ABCB4: variants seen among roughly 807,000 people sequenced by gnomAD.
The protein encoded by ABCB4 is phosphatidylcholine translocator ABCB4.
ABCB4 carries 76 observed loss-of-function variants against 145.7 expected under a neutral mutation model. That is an observed-to-expected ratio of 0.52 (90% CI 0.43 to 0.63). The LOEUF (loss-of-function observed/expected upper bound fraction) is 0.63. ABCB4 is among the 30% of genes least tolerant of loss of function. The pLI is 0.00. For missense variants in ABCB4, 1,234 were observed against 1,553.1 expected (o/e 0.79, Z 3.45); for synonymous variants, 517 against 566.8 (o/e 0.91, Z 1.25).
At chr7:87,369,046 A>G in the ABCB4 span, among the ~76,000 whole-genome samples, 1 of 152,242 alleles carries the variant, frequency 6.6e-6, no homozygotes, top group African/African-American at 2.4e-5. Flanking sequence ...CTGTCCTCCA[A>G]GATTCCACTG....
chr7:87,398,030 G>A (rs1807598485), downstream of ABCB4, among the ~76,000 whole-genome samples: 1 of 151,214 alleles, frequency 6.6e-6, no homozygotes, highest in African/African-American at 2.4e-5. Flanking sequence ...ATGGTGGAAG[G>A]CATGACTTGA....
chr7:87,475,565 G>T, intron 1 of ABCB4, 69 bp downstream of exon 1: 1 of 1,220,586 alleles, frequency 8.2e-7, no homozygotes, highest in Non-Finnish European at 1.2e-6. Context: ...TGGAGGTCCG[G>T]CCACTCCCGC....
chr7:87,413,789 G>C, intron 21 of ABCB4, 72 bp from the exon 22 acceptor site: 2 of 1,072,050 alleles, frequency 1.9e-6, no homozygotes, highest in East Asian at 4.7e-5. Flanking sequence ...AAGCCCTAGG[G>C]CTCTGTCAAA....
chr7:87,443,247 T>C, intron 12 of ABCB4, 72 bp downstream of exon 12: 1 of 1,607,056 alleles, frequency 6.2e-7, no homozygotes, highest in Non-Finnish European at 8.5e-7. Flanking sequence ...AATTTGTTAC[T>C]GAAAAACCAA....
At position 87,475,295 on chromosome 7, in the gene ABCB4, A is replaced by T. The variant is rs375156842; in HGVS notation, c.80+91T>A. 1.1e-5 allele frequency: 17 copies of T among 1,509,716 alleles called. No homozygotes were observed. The South Asian group carries it at 1.8e-4, about 16-fold the overall frequency. 93.5% of individuals were successfully genotyped at this position (1,509,716 alleles called of 1,614,324 possible). On this transcript the variant is annotated intron_variant, in intron 2 of 27. Coordinates refer to ENST00000649586, the MANE Select transcript of ABCB4 (RefSeq NM_000443.4). ...CTCCAAAACAAAGGTCTTCAAAGGC[A>T]TCAACCGATTTTTACAACTTCTTTC...
rs753652201 is a variant in ABCB4 at position 87,440,278 on chromosome 7, C to A, written c.1481G>T (p.Arg494Leu). Reference sequence around the variant, plus strand: ...TATCTCATCCATGGTTACATTTCCACGGCCATAACAAATATTTTCAGCAAT... The same window carrying A: ...TATCTCATCCATGGTTACATTTCCAAGGCCATAACAAATATTTTCAGCAAT... ...TTIAENICYG[R>L]GNVTMDEIKK... Residue 494 changes from arginine (R) to leucine (L), a missense_variant, in exon 13 of 28, where the codon CGT (arginine) becomes CTT (leucine). By Grantham distance (102) the Arg-to-Leu change is moderately radical. This residue lies in a region of ABCB4 where 467 missense variants were observed against 632.8 expected (regional missense o/e 0.74). Coordinates refer to ENST00000649586, the MANE Select transcript of ABCB4 (RefSeq NM_000443.4). The A allele has an allele frequency of 6.2e-7, 1 of 1,614,122 alleles. No individual in the cohort carries two copies. Among genetic ancestry groups the A allele is most frequent in the Non-Finnish European group, 8.5e-7 (1 of 1,179,998 alleles).
At chr7:87,395,277 T>A in the ABCB4 span, among the ~76,000 whole-genome samples, 1 of 149,428 alleles carries the variant, frequency 6.7e-6, no homozygotes, top group Non-Finnish European at 1.5e-5. Flanking sequence ...CAGGTTTTTC[T>A]GCCTGCTTTA....
At chr7:87,433,680 T>TTTTG (rs1192236032) in intron 14 of ABCB4, among the ~76,000 whole-genome samples, 1 of 149,800 alleles carries the variant, frequency 6.7e-6, no homozygotes, top group Non-Finnish European at 1.5e-5. Context: ...TTGTTGTTTT[T>TTTTG]TTTTTTTTTT....
chr7:87,473,121 T>C (rs1294449394), intron 2 of ABCB4, among the ~76,000 whole-genome samples: 1 of 152,214 alleles, frequency 6.6e-6, no homozygotes, highest in Non-Finnish European at 1.5e-5. Flanking sequence ...CTGTCACCAG[T>C]AGGGCAGCCT....
chr7:87,465,790 G>C (rs917394885), intron 3 of ABCB4, among the ~76,000 whole-genome samples: 3 of 152,106 alleles, frequency 2.0e-5, no homozygotes, highest in Non-Finnish European at 4.4e-5. Flanking sequence ...AGGAAAACAG[G>C]GTCTGGAGTG....
the ABCB4 span, chr7:87,369,700 C>T: frequency 9.1e-6 from 2 of 219,476 alleles, no homozygotes; most frequent in East Asian, 1.9e-4. Flanking sequence ...AAAAGGAAAA[C>T]ATTACATATA....
At chr7:87,471,124 C>A (rs1270676488) in intron 3 of ABCB4, among the ~76,000 whole-genome samples, 1 of 151,548 alleles carries the variant, frequency 6.6e-6, no homozygotes, top group Non-Finnish European at 1.5e-5. Context: ...GACAAAAAAC[C>A]AAACACCTCA....
intron 3 of ABCB4, 118 bp from the exon 4 acceptor site, chr7:87,463,026 T>A: frequency 1.1e-6 from 1 of 903,642 alleles, no homozygotes; most frequent in Non-Finnish European, 1.7e-6. Context: ...TGTAAATGAA[T>A]GTCTTAGAAA....
chr7:87,413,351 A>T (rs1182481213), intron 22 of ABCB4, among the ~76,000 whole-genome samples: 1 of 152,226 alleles, frequency 6.6e-6, no homozygotes, highest in Admixed American at 6.5e-5. Context: ...TGTTGCCTGC[A>T]CTGATAACCA....
At chr7:87,454,973 G>GA (rs1440239660) in intron 4 of ABCB4, among the ~76,000 whole-genome samples, 2 of 150,860 alleles carry the variant, frequency 1.3e-5, no homozygotes, top group African/African-American at 4.9e-5. Context: ...ATTTAAAATA[G>GA]AAAACACAGG....
rs919311005 is a variant in ABCB4, at chr7:87,432,938, G to C, written c.1732-1373C>G. Among the ~76,000 whole-genome samples, 4 of 151,974 alleles carry C rather than the reference G, an allele frequency of 2.6e-5. No individual in the cohort carries two copies. In the East Asian group the frequency reaches 7.7e-4, roughly 29 times the overall value. ...AAGTTAATGAGAGGAGTAATGAGAA[G>C]GAAATATCTCTAACAGATATTAGCA... On this transcript the variant is annotated intron_variant, in intron 14 of 27. Transcript: ENST00000649586.
rs762036555 is a variant in ABCB4 at position 87,439,795 on chromosome 7, C to T, written c.1603G>A (p.Gly535Ser). The T allele has an allele frequency of 1.4e-5, 23 of 1,614,072 alleles. No homozygotes were observed. In the African/African-American group the frequency reaches 2.7e-4, roughly 19 times the overall value. ...LVGERGAQLS[G>S]GQKQRIAIAR... is the part of the protein sequence containing the mutation. ...ATGGCGATCCTCTGCTTCTGCCCAC[C>T]ACTCAGCTGGGCCCCTCTCTCTCCA... is the stretch of plus-strand genomic sequence containing the variant. The change falls in exon 14 of 28, where the codon GGT becomes AGT. Residue 535 changes from glycine to serine, a missense_variant. This residue lies in a region of ABCB4 where 467 missense variants were observed against 632.8 expected (regional missense o/e 0.74). Coordinates refer to ENST00000649586, the MANE Select transcript of ABCB4 (RefSeq NM_000443.4).
chr7:87,375,827 G>A, the ABCB4 span: 119 of 1,613,312 alleles, frequency 7.4e-5, 2 homozygotes, highest in South Asian at 1.3e-3. Flanking sequence ...TTGCCCTTTA[G>A]GCACGAGAAT....
chr7:87,466,622 G>A (rs1448645108), intron 3 of ABCB4, among the ~76,000 whole-genome samples: 1 of 152,050 alleles, frequency 6.6e-6, no homozygotes, highest in East Asian at 1.9e-4. Context: ...TTGAAATGAA[G>A]GAAAAAATGT....
Sources: allele counts gnomAD v4.1 joint callset (sites outside exome capture counted in the v4.1 genomes callset), GRCh38; gene constraint gnomAD v4.1.1; regional missense constraint gnomAD v4.1.1; transcripts MANE v1.5; gene names NCBI Gene and HGNC (gene_info 2026-07-23, HGNC 2026-07-21).